The following ZDHHC3 variants were observed in gnomAD, a reference collection of about 807,000 sequenced individuals.
ZDHHC3 encodes the protein palmitoyltransferase ZDHHC3.
Under a neutral mutation model 30.6 loss-of-function variants are expected in ZDHHC3, and 9 were observed. The observed-to-expected ratio is 0.29, with a 90% CI of 0.18 to 0.51. The LOEUF is 0.51. Ranked by LOEUF, ZDHHC3 falls within the 20% of genes least tolerant of loss-of-function variation. The probability of loss-of-function intolerance (pLI) is 0.97; values close to 1 mark genes in which losing one functional copy is unlikely to be tolerated. For synonymous variants in ZDHHC3, 136 were observed against 140.2 expected (o/e 0.97, Z 0.21); for missense variants, 246 against 384.2 (o/e 0.64, Z 3.01).
intron 3 of ZDHHC3, among the ~76,000 whole-genome samples, chr3:44,934,611 T>C (rs976851105): frequency 7.4e-5 from 11 of 149,342 alleles, no homozygotes; most frequent in Non-Finnish European, 1.2e-4. Flanking sequence ...AGAAAAGTCA[T>C]TTGAGTCCAG....
intron 6 of ZDHHC3, among the ~76,000 whole-genome samples, chr3:44,928,565 C>G (rs1387097070): frequency 6.6e-6 from 1 of 152,156 alleles, no homozygotes; most frequent in Middle Eastern, 3.2e-3. Context: ...CCCCTTCTTC[C>G]TATGTAAATC....
chr3:44,940,747 A>G (rs1702373163), intron 3 of ZDHHC3, among the ~76,000 whole-genome samples: 1 of 151,998 alleles, frequency 6.6e-6, no homozygotes, highest in South Asian at 2.1e-4. Flanking sequence ...GAATCCACCA[A>G]GCTCACTGGC....
intron 1 of ZDHHC3, among the ~76,000 whole-genome samples, chr3:44,961,669 A>C (rs1484157443): frequency 6.6e-6 from 1 of 152,200 alleles, no homozygotes; most frequent in Non-Finnish European, 1.5e-5. Context: ...ACCAAAGAAA[A>C]GAAAAGCTGA....
chr3:44,923,986 A>T lies in ZDHHC3; in HGVS notation c.*2703T>A. ...TGCATATTCAGTCTAGTTGCTATGA[A>T]CACAAACCTGACAGAGTTGACAGAA... is the stretch of plus-strand genomic sequence containing the variant. On this transcript the variant is annotated 3_prime_UTR_variant, in exon 7 of 7. Coordinates refer to ENST00000424952, the MANE Select transcript of ZDHHC3 (RefSeq NM_001135179.2). 1 of 985,472 alleles carries T rather than the reference A, an allele frequency of 1.0e-6. No individual in the cohort carries two copies. The highest frequency in any genetic ancestry group is 1.2e-6 in the Non-Finnish European group (1 of 829,940). 61.0% of individuals were successfully genotyped at this position (985,472 alleles called of 1,614,324 possible). A position where few individuals can be genotyped will look rare whatever the true frequency, so the allele number is the denominator to read the frequency against.
Position 44,925,783 on chromosome 3 carries a change from T to C in ZDHHC3, c.*906A>G, listed in dbSNP as rs1344526091. On this transcript the variant is annotated 3_prime_UTR_variant, in exon 7 of 7. Transcript: ENST00000424952. ...AGAAGGGGATGATGGTGGGGCTGTATGTGTTGGGCACTGGTGCCTATTGCA... is the reference window on the plus strand; with the variant it reads ...AGAAGGGGATGATGGTGGGGCTGTACGTGTTGGGCACTGGTGCCTATTGCA... The C allele has an allele frequency of 1.0e-6, 1 of 985,732 alleles. No homozygotes were observed. Among genetic ancestry groups the C allele is most frequent in the Middle Eastern group, 5.2e-4 (1 of 1,936 alleles). 61.1% of individuals were successfully genotyped at this position (985,732 alleles called of 1,614,324 possible). A position where few individuals can be genotyped will look rare whatever the true frequency, so the allele number is the denominator to read the frequency against.
intron 3 of ZDHHC3, among the ~76,000 whole-genome samples, chr3:44,936,853 C>T (rs73085648): frequency 0.058 from 8,771 of 150,122 alleles, 344 homozygotes; most frequent in Non-Finnish European, 0.09. Context: ...CATGTACCCC[C>T]GAACATAAAA....
intron 3 of ZDHHC3, 45 bp downstream of exon 3, chr3:44,945,123 G>A (rs1237253495): frequency 1.2e-6 from 2 of 1,612,196 alleles, no homozygotes; most frequent in Non-Finnish European, 8.5e-7. Context: ...ATGGAGGGAG[G>A]CAGGACAGTG....
chr3:44,961,478 T>C (rs138843035), intron 1 of ZDHHC3, among the ~76,000 whole-genome samples: 1 of 152,238 alleles, frequency 6.6e-6, no homozygotes, highest in Non-Finnish European at 1.5e-5. Flanking sequence ...AACAGAGCAA[T>C]CCTGTGCTAT....
At position 44,920,590 on chromosome 3, in the gene ZDHHC3, T is replaced by C. The variant is rs777982684; in HGVS notation, c.*6099A>G. 23 of 985,302 alleles carry C rather than the reference T, an allele frequency of 2.3e-5. No homozygotes were observed. Among genetic ancestry groups the C allele is most frequent in the Non-Finnish European group, 2.8e-5 (23 of 829,914 alleles). 61.0% of individuals were successfully genotyped at this position (985,302 alleles called of 1,614,324 possible). A position where few individuals can be genotyped will look rare whatever the true frequency, so the allele number is the denominator to read the frequency against. ...TGGCCAAGGCTCATCTAGCTTGTTA[T>C]GTATCAGAACTGGAACCAGAACTAG... On this transcript the variant is annotated 3_prime_UTR_variant, in exon 7 of 7. Coordinates refer to ENST00000424952, the MANE Select transcript of ZDHHC3 (RefSeq NM_001135179.2).
In ZDHHC3 at chr3:44,923,713, G is replaced by C; in HGVS notation, c.*2976C>G. On this transcript the variant is annotated 3_prime_UTR_variant, in exon 7 of 7. Coordinates refer to ENST00000424952, the MANE Select transcript of ZDHHC3 (RefSeq NM_001135179.2). ...GGATATTCAGGAGGCCAAGGCACAA[G>C]AATCACTTGAGCCCAGGAGTTCAAG... is the stretch of plus-strand genomic sequence containing the variant. The C allele has an allele frequency of 1.2e-6, 1 of 840,398 alleles. No homozygotes were observed. Among genetic ancestry groups the C allele is most frequent in the South Asian group, 5.5e-5 (1 of 18,312 alleles). The allele number at this position is 840,398 out of a possible 1,614,324, so 52.1% of individuals were successfully genotyped here. A position where few individuals can be genotyped will look rare whatever the true frequency, so the allele number is the denominator to read the frequency against.
intron 5 of ZDHHC3, among the ~76,000 whole-genome samples, chr3:44,929,910 G>C (rs1283421378): frequency 1.3e-5 from 2 of 152,250 alleles, no homozygotes; most frequent in Non-Finnish European, 2.9e-5. Flanking sequence ...TGCCCCATCA[G>C]CTCACAGGCA....
At chr3:44,952,206 T>C (rs1487049482) in intron 2 of ZDHHC3, among the ~76,000 whole-genome samples, 1 of 152,062 alleles carries the variant, frequency 6.6e-6, no homozygotes, top group Non-Finnish European at 1.5e-5. Context: ...TCACCTGGGG[T>C]AGAAATCCAG....
chr3:44,967,465 C>T (rs1705051334), intron 1 of ZDHHC3, among the ~76,000 whole-genome samples: 1 of 152,222 alleles, frequency 6.6e-6, no homozygotes, highest in South Asian at 2.1e-4. Context: ...AAGAGGATCA[C>T]TGGAGCCCAG....
rs373299758 is a variant in ZDHHC3, at chr3:44,926,193, C to G, written c.*496G>C. 10 of 985,832 alleles carry G rather than the reference C, an allele frequency of 1.0e-5. No individual in the cohort carries two copies. The African/African-American group carries it at 1.6e-4, about 15-fold the overall frequency. 61.1% of individuals were successfully genotyped at this position (985,832 alleles called of 1,614,324 possible). On this transcript the variant is annotated 3_prime_UTR_variant, in exon 7 of 7. Coordinates refer to ENST00000424952, the MANE Select transcript of ZDHHC3 (RefSeq NM_001135179.2). The stretch of plus-strand genomic sequence containing the variant: ...AGGTCCCTTCTGATCCTGCCCTTCT[C>G]AGGCCTCAAGGGGTAAGCATCCATC...
In ZDHHC3 at chr3:44,922,935, C is replaced by G. The variant is rs542064170; in HGVS notation, c.*3754G>C. 5.3e-5 allele frequency: 52 copies of G among 985,326 alleles called. No individual in the cohort carries two copies. Among genetic ancestry groups the G allele is most frequent in the Non-Finnish European group, 6.3e-5 (52 of 829,916 alleles). The allele number at this position is 985,326 out of a possible 1,614,324, so 61.0% of individuals were successfully genotyped here. On this transcript the variant is annotated 3_prime_UTR_variant, in exon 7 of 7. Transcript: ENST00000424952. ...GGTGGGGCGCCTTCCCCTCTACTGG[C>G]TGGCTCACCCTTTAAGCTGATGCAC...
chr3:44,942,926 T>TA (rs1214670433), intron 3 of ZDHHC3, among the ~76,000 whole-genome samples: 2 of 151,984 alleles, frequency 1.3e-5, no homozygotes, highest in Admixed American at 6.6e-5. Flanking sequence ...CTGAGCTTTT[T>TA]AAAAAAAATC....
At chr3:44,950,652 G>A (rs1336551233) in intron 2 of ZDHHC3, among the ~76,000 whole-genome samples, 1 of 152,196 alleles carries the variant, frequency 6.6e-6, no homozygotes, top group East Asian at 1.9e-4. Flanking sequence ...CAGCCCCCAA[G>A]ACTGAGGAGT....
In ZDHHC3 at chr3:44,951,775, G is replaced by A. The variant is rs115419888; in HGVS notation, c.307-6483C>T. 6.4e-3 allele frequency among the ~76,000 whole-genome samples: 967 copies of A among 152,186 alleles called. 8 individuals are homozygous for A. Among genetic ancestry groups the A allele is most frequent in the African/African-American group, 0.022 (923 of 41,520 alleles). The stretch of plus-strand genomic sequence containing the variant: ...TCCCCTCCATACCAGGGAACTGTTC[G>A]CACCAGGTCACTGAGCAACTCACTG... On this transcript the variant is annotated intron_variant, in intron 2 of 6. Transcript: ENST00000424952.
Position 44,920,471 on chromosome 3 carries a change from C to T in ZDHHC3, c.*6218G>A, listed in dbSNP as rs531883147. On this transcript the variant is annotated 3_prime_UTR_variant, in exon 7 of 7. Coordinates refer to ENST00000424952, the MANE Select transcript of ZDHHC3 (RefSeq NM_001135179.2). ...ACTGACTTGGACTCAAAGCCATGAC[C>T]ATAGGTTTTTATGGCCTCCTTGTGA... 2.5e-6 allele frequency: 3 copies of T among 1,211,680 alleles called. No individual in the cohort carries two copies. Among genetic ancestry groups the T allele is most frequent in the African/African-American group, 3.1e-5 (2 of 63,574 alleles). The allele number at this position is 1,211,680 out of a possible 1,614,324, so 75.1% of individuals were successfully genotyped here.
Sources: gnomAD v4.1 joint callset for allele counts (sites outside exome capture counted in the v4.1 genomes callset) on GRCh38, gnomAD v4.1.1 for gene constraint, MANE v1.5 for transcripts, NCBI Gene and HGNC (gene_info 2026-07-23, HGNC 2026-07-21) for gene names.